The following CCDC175 variants were observed in gnomAD, a reference collection of about 807,000 sequenced individuals.
CCDC175 encodes coiled-coil domain-containing protein 175.
CCDC175 carries 100 observed loss-of-function variants against 114.6 expected under a neutral mutation model. The ratio of observed to expected loss-of-function variants is 0.87; its 90% CI spans 0.74 to 1.03. CCDC175 has a LOEUF of 1.03. Ranked by LOEUF, CCDC175 falls within the 50% of genes least tolerant of loss-of-function variation. CCDC175 has a pLI of 0.00. For synonymous variants in CCDC175, 306 were observed against 308.7 expected, an observed-to-expected ratio of 0.99 and a Z score of 0.09; for missense variants, 880 against 917.8, an observed-to-expected ratio of 0.96 and a Z score of 0.53.
intron 16 of CCDC175, among the ~76,000 whole-genome samples, chr14:59,524,753 A>G (rs1893643794): frequency 6.6e-6 from 1 of 152,226 alleles, no homozygotes; most frequent in Non-Finnish European, 1.5e-5. Context: ...CACCAAAAAA[A>G]CATGAACTAG....
chr14:59,525,935 C>T (rs1287840377), intron 15 of CCDC175, among the ~76,000 whole-genome samples: 3 of 151,946 alleles, frequency 2.0e-5, no homozygotes, highest in Non-Finnish European at 4.4e-5. Context: ...TTTGAGCATC[C>T]GTGGATTTTG....
In CCDC175 at chr14:59,527,140, G is replaced by C. The variant is rs372867826; in HGVS notation, c.1797C>G (p.His599Gln). The change falls in exon 15 of 20, where the codon CAC becomes CAG. Residue 599 changes from histidine (H) to glutamine (Q), a missense_variant. His to Gln is a conservative substitution (Grantham distance 24, BLOSUM62 0). Transcript: ENST00000537690. ...AAAAGTCCCTTGTAAACAGAAAAATGTGATTGTTCAGTAAATCTTCCTCCT... is the reference window on the plus strand; with the variant it reads ...AAAAGTCCCTTGTAAACAGAAAAATCTGATTGTTCAGTAAATCTTCCTCCT... The part of the protein sequence containing the change: ...QRQEEDLLNN[H>Q]IFLFTRDFSR... 1.6e-5 allele frequency: 24 copies of C among 1,498,472 alleles called. No homozygotes were observed. The highest frequency in any genetic ancestry group is 2.0e-5 in the Non-Finnish European group (23 of 1,129,820). The allele number at this position is 1,498,472 out of a possible 1,614,324, so 92.8% of individuals were successfully genotyped here.
intron 17 of CCDC175, among the ~76,000 whole-genome samples, chr14:59,515,161 A>G (rs544400943): frequency 6.6e-6 from 1 of 152,340 alleles, no homozygotes; most frequent in South Asian, 2.1e-4. Flanking sequence ...GAGCTCCTGA[A>G]GGAAGCACTA....
intron 6 of CCDC175, among the ~76,000 whole-genome samples, chr14:59,562,374 A>G (rs1896271080): frequency 6.6e-6 from 1 of 152,246 alleles, no homozygotes; most frequent in African/African-American, 2.4e-5. Flanking sequence ...TTCAAACCTC[A>G]GCCAACAACA....
intron 7 of CCDC175, 54 bp from the exon 8 acceptor site, chr14:59,551,490 A>C: frequency 2.1e-6 from 2 of 951,902 alleles, no homozygotes; most frequent in Non-Finnish European, 3.0e-6. Flanking sequence ...TTTGAATTCT[A>C]AGGCAAGGTG....
At chr14:59,531,717 G>A in intron 14 of CCDC175, 55 bp downstream of exon 14, 1 of 1,261,618 alleles carries the variant, frequency 7.9e-7, no homozygotes, top group Non-Finnish European at 1.1e-6. Flanking sequence ...GTTAGAAGAT[G>A]ACAGTGAAAT....
chr14:59,565,312 A>G (rs1268905355), intron 4 of CCDC175, 37 bp from the exon 5 acceptor site: 1 of 1,486,340 alleles, frequency 6.7e-7, no homozygotes, highest in Non-Finnish European at 9.0e-7. Context: ...TGAGAAGCAC[A>G]GCTCCTAAGA....
intron 17 of CCDC175, among the ~76,000 whole-genome samples, chr14:59,517,813 A>G (rs1182820141): frequency 6.6e-6 from 1 of 152,332 alleles, no homozygotes; most frequent in African/African-American, 2.4e-5. Context: ...AGAATTGGAA[A>G]AAACTACTTT....
chr14:59,549,719 C>A (rs369260345), intron 8 of CCDC175, among the ~76,000 whole-genome samples: 417 of 89,298 alleles, frequency 4.7e-3, no homozygotes, highest in East Asian at 7.5e-3. Flanking sequence ...GACTATGTCT[C>A]AAAAAAAAAA....
At chr14:59,513,815 G>A (rs954230350) in intron 17 of CCDC175, among the ~76,000 whole-genome samples, 9 of 152,212 alleles carry the variant, frequency 5.9e-5, no homozygotes, top group African/African-American at 2.2e-4. Flanking sequence ...TTTGAAGAGA[G>A]TAGAGGTTCT....
At chr14:59,553,637 G>A (rs1300833645) in intron 7 of CCDC175, among the ~76,000 whole-genome samples, 1 of 152,094 alleles carries the variant, frequency 6.6e-6, no homozygotes, top group Non-Finnish European at 1.5e-5. Flanking sequence ...ATGTAAATGG[G>A]CTAAATGCTC....
chr14:59,551,134 T>C, intron 8 of CCDC175: 1 of 340,330 alleles, frequency 2.9e-6, no homozygotes, highest in Non-Finnish European at 5.3e-6. Flanking sequence ...ACATGAAAAG[T>C]TACCAAAAAA....
At chr14:59,555,669 C>G (rs1390904768) in intron 7 of CCDC175, among the ~76,000 whole-genome samples, 1 of 152,192 alleles carries the variant, frequency 6.6e-6, no homozygotes, top group Non-Finnish European at 1.5e-5. Flanking sequence ...AAGAGGAAGT[C>G]AGACTGTCCC....
chr14:59,513,202 G>A (rs559225197), intron 17 of CCDC175, among the ~76,000 whole-genome samples: 21 of 152,240 alleles, frequency 1.4e-4, no homozygotes, highest in South Asian at 2.1e-4. Context: ...CAAGATGGCC[G>A]AATAGGAACA....
chr14:59,575,565 A>G (rs1897067230), intron 1 of CCDC175, among the ~76,000 whole-genome samples: 1 of 135,510 alleles, frequency 7.4e-6, no homozygotes, highest in Non-Finnish European at 1.5e-5. Context: ...GCTGGAGTGC[A>G]GTGGCACCAT....
chr14:59,557,561 C>G (rs1895984749), intron 7 of CCDC175, among the ~76,000 whole-genome samples: 1 of 150,034 alleles, frequency 6.7e-6, no homozygotes, highest in Non-Finnish European at 1.5e-5. Context: ...CACATGTATA[C>G]ATATGTAACA....
chr14:59,562,151 CAG>C (rs962449723), intron 6 of CCDC175, among the ~76,000 whole-genome samples: 4 of 152,218 alleles, frequency 2.6e-5, no homozygotes, highest in African/African-American at 9.6e-5. Context: ...GATCAATCAT[CAG>C]AATTAGGGAT....
At chr14:59,546,806 T>C (rs1555345053) in intron 8 of CCDC175, among the ~76,000 whole-genome samples, 1 of 152,036 alleles carries the variant, frequency 6.6e-6, no homozygotes. Context: ...CACTGCACTC[T>C]AGTCTGGGTG....
At chr14:59,532,979 C>T (rs1376333121) in intron 13 of CCDC175, among the ~76,000 whole-genome samples, 1 of 152,160 alleles carries the variant, frequency 6.6e-6, no homozygotes, top group African/African-American at 2.4e-5. Context: ...TGTATGCACA[C>T]ATAATTGGAA....
Sources: allele counts gnomAD v4.1 joint callset (sites outside exome capture counted in the v4.1 genomes callset), GRCh38; gene constraint gnomAD v4.1.1; transcripts MANE v1.5; gene names NCBI Gene and HGNC (gene_info 2026-07-23, HGNC 2026-07-21).